The following PTPRM variants were observed in gnomAD, a reference collection of about 807,000 sequenced individuals.
The protein encoded by PTPRM is protein tyrosine phosphatase receptor type M, also known as receptor-type tyrosine-protein phosphatase mu.
In PTPRM, 47 loss-of-function variants were observed where a neutral mutation model predicts 186.7. That is an observed-to-expected ratio of 0.25 (90% CI 0.20 to 0.32). The LOEUF (loss-of-function observed/expected upper bound fraction) is 0.32. Among genes scored for constraint, PTPRM ranks in the 10% least tolerant of loss-of-function variants. The probability of loss-of-function intolerance (pLI) is 1.00; values close to 1 mark genes in which losing one functional copy is unlikely to be tolerated. For synonymous variants in PTPRM, 668 were observed against 674.9 expected (o/e 0.99, Z 0.16); for missense variants, 1,494 against 1,865.0 (o/e 0.80, Z 3.66).
chr18:8,141,936 T>A (rs756520274), intron 13 of PTPRM, among the ~76,000 whole-genome samples: 5 of 152,232 alleles, frequency 3.3e-5, no homozygotes, highest in African/African-American at 4.8e-5. Flanking sequence ...CTTAAAAAAA[T>A]TTTGTTTATC....
At chr18:7,997,717 G>A (rs1233475533) in intron 7 of PTPRM, among the ~76,000 whole-genome samples, 1 of 152,134 alleles carries the variant, frequency 6.6e-6, no homozygotes, top group African/African-American at 2.4e-5. Flanking sequence ...ATGAGCCAGT[G>A]ACCTAAGTGA....
chr18:7,694,762 A>G (rs997220961), intron 1 of PTPRM, among the ~76,000 whole-genome samples: 4 of 152,162 alleles, frequency 2.6e-5, no homozygotes, highest in African/African-American at 9.7e-5. Context: ...ATATCTATAG[A>G]AGGACCAAGA....
In PTPRM at chr18:7,961,397, T is replaced by G. The variant is rs568618710; in HGVS notation, c.1132+5983T>G. Among the ~76,000 whole-genome samples, 358 of 152,348 alleles carry G rather than the reference T, an allele frequency of 2.3e-3. 4 individuals carry two copies. The highest frequency in any genetic ancestry group is 3.4e-3 in the Middle Eastern group (1 of 294). On this transcript the variant is annotated intron_variant, in intron 7 of 32. Transcript: ENST00000580170. ...AGTATTTGTCTTTCTGTGACTGGCT[T>G]ATTCCACGTAGCATAATGTTCTCCA...
At chr18:8,038,083 T>C (rs1049147594) in intron 7 of PTPRM, among the ~76,000 whole-genome samples, 14 of 152,172 alleles carry the variant, frequency 9.2e-5, no homozygotes, top group Non-Finnish European at 1.8e-4. Flanking sequence ...TCAATTATTA[T>C]TTATTGAATG....
chr18:7,782,386 A>T (rs2042898715), intron 2 of PTPRM, among the ~76,000 whole-genome samples: 1 of 152,188 alleles, frequency 6.6e-6, no homozygotes, highest in South Asian at 2.1e-4. Flanking sequence ...TAGTTCTTGA[A>T]TTACACATCT....
intron 2 of PTPRM, among the ~76,000 whole-genome samples, chr18:7,856,016 C>T (rs2047077057): frequency 6.6e-6 from 1 of 152,174 alleles, no homozygotes; most frequent in African/African-American, 2.4e-5. Context: ...ACTTGCTCAT[C>T]AGCTTGGTTT....
chr18:8,021,903 A>G (rs2085260079), intron 7 of PTPRM, among the ~76,000 whole-genome samples: 1 of 152,168 alleles, frequency 6.6e-6, no homozygotes, highest in Non-Finnish European at 1.5e-5. Context: ...CTAACATCTC[A>G]GTAAATTTAG....
intron 31 of PTPRM, 50 bp downstream of exon 31, chr18:8,387,285 C>T: frequency 6.5e-7 from 1 of 1,537,320 alleles, no homozygotes. Context: ...GCCCCACACT[C>T]ACTCTCACCT....
chr18:8,376,561 G>T lies in PTPRM; in HGVS notation c.3426G>T (p.Glu1142Asp), dbSNP rs375157478. ...TAGACATCTACAACTGCGTCAGGGA[G>T]CTGCGGTCACGGAGGGTGAACATGG... is the stretch of plus-strand genomic sequence containing the variant. The part of the protein sequence containing the change: ...GVVDIYNCVR[E>D]LRSRRVNMVQ... The change falls in exon 26 of 33, where the codon GAG (glutamate) becomes GAT (aspartate). Residue 1142 changes from glutamate (E) to aspartate (D), a missense_variant. This residue lies in a region of PTPRM where 1,107 missense variants were observed against 1,350.2 expected (regional missense o/e 0.82). Transcript: ENST00000580170. 8 of 1,613,800 alleles carry T rather than the reference G, an allele frequency of 5.0e-6. No homozygotes were observed. The African/African-American group carries it at 1.1e-4, about 22-fold the overall frequency.
At chr18:7,892,313 C>G (rs572421172) in intron 3 of PTPRM, among the ~76,000 whole-genome samples, 54 of 152,298 alleles carry the variant, frequency 3.5e-4, no homozygotes, top group African/African-American at 1.3e-3. Context: ...TTTTATGTCC[C>G]TACCTCAGTC....
At chr18:7,957,425 C>T (rs914256056) in intron 7 of PTPRM, among the ~76,000 whole-genome samples, 1 of 152,164 alleles carries the variant, frequency 6.6e-6, no homozygotes. Flanking sequence ...TAGGCCCACA[C>T]TGTGCCTCAA....
chr18:7,675,597 C>T (rs1021917096), intron 1 of PTPRM, among the ~76,000 whole-genome samples: 2 of 152,122 alleles, frequency 1.3e-5, no homozygotes, highest in Admixed American at 1.3e-4. Context: ...TTCCCCAAGC[C>T]CCTTCTCACT....
chr18:7,939,455 A>C (rs1237553630), intron 5 of PTPRM, among the ~76,000 whole-genome samples: 1 of 152,250 alleles, frequency 6.6e-6, no homozygotes, highest in Non-Finnish European at 1.5e-5. Context: ...CTGCTCATTT[A>C]GAAGTCCTAG....
At chr18:8,207,935 C>T (rs548733967) in intron 14 of PTPRM, among the ~76,000 whole-genome samples, 1 of 152,302 alleles carries the variant, frequency 6.6e-6, no homozygotes, top group East Asian at 1.9e-4. Flanking sequence ...AAATGTTTGG[C>T]AGTTTGAAAG....
chr18:8,009,830 T>C (rs1027740398), intron 7 of PTPRM, among the ~76,000 whole-genome samples: 4 of 152,214 alleles, frequency 2.6e-5, no homozygotes, highest in African/African-American at 9.6e-5. Flanking sequence ...GGAAATATAG[T>C]AAATTTACTT....
At chr18:7,631,339 A>G (rs376931657) in intron 1 of PTPRM, among the ~76,000 whole-genome samples, 14 of 152,208 alleles carry the variant, frequency 9.2e-5, no homozygotes, top group African/African-American at 3.4e-4. Context: ...TAAAGAATCA[A>G]TAAGCTTGCT....
intron 1 of PTPRM, among the ~76,000 whole-genome samples, chr18:7,709,480 A>G (rs997203279): frequency 3.9e-5 from 6 of 152,162 alleles, no homozygotes; most frequent in Non-Finnish European, 8.8e-5. Flanking sequence ...TAGATAACCT[A>G]ATGTCACACC....
chr18:7,792,509 A>G (rs906148202), intron 2 of PTPRM, among the ~76,000 whole-genome samples: 1 of 152,162 alleles, frequency 6.6e-6, no homozygotes, highest in Admixed American at 6.6e-5. Flanking sequence ...CCCCGGGCTC[A>G]TACCCCTTGT....
chr18:8,156,379 A>G (rs539520617), intron 14 of PTPRM, among the ~76,000 whole-genome samples: 6 of 152,174 alleles, frequency 3.9e-5, no homozygotes, highest in Admixed American at 6.5e-5. Context: ...TTACACCACA[A>G]CTCTTTACTT....
Sources: gnomAD v4.1 joint callset for allele counts (sites outside exome capture counted in the v4.1 genomes callset) on GRCh38, gnomAD v4.1.1 for gene constraint, gnomAD v4.1.1 regional missense constraint, MANE v1.5 for transcripts, NCBI Gene and HGNC (gene_info 2026-07-23, HGNC 2026-07-21) for gene names.